The following UBE2E2 variants were observed in gnomAD, a reference collection of about 807,000 sequenced individuals.
UBE2E2 encodes the protein ubiquitin conjugating enzyme E2 E2.
A neutral mutation model predicts 24.7 loss-of-function variants in UBE2E2; 6 were observed. The ratio of observed to expected loss-of-function variants is 0.24; its 90% CI spans 0.13 to 0.48. The LOEUF (loss-of-function observed/expected upper bound fraction) is 0.48. UBE2E2 is among the 20% of genes least tolerant of loss of function. The pLI is 0.99. For synonymous variants in UBE2E2, 104 were observed against 83.6 expected (o/e 1.24, Z -1.33); for missense variants, 169 against 245.0 (o/e 0.69, Z 2.07).
At chr3:23,493,161 T>C (rs1271429890) in intron 3 of UBE2E2, among the ~76,000 whole-genome samples, 1 of 152,092 alleles carries the variant, frequency 6.6e-6, no homozygotes, top group African/African-American at 2.4e-5. Context: ...CCAAAGTCAG[T>C]GTTAAGTGAA....
rs573159411 is a variant in UBE2E2, at chr3:23,457,549, G to C, written c.228-42059G>C. Among the ~76,000 whole-genome samples, 3 of 152,174 alleles carry C rather than the reference G, an allele frequency of 2.0e-5. No homozygotes were observed. The East Asian group carries it at 5.8e-4, about 29-fold the overall frequency. On this transcript the variant is annotated intron_variant, in intron 3 of 5. Transcript: ENST00000396703. ...CACTTTTTTTTGTTTTTTGGAGGTAGGGTCTTGCTCTGTCACCAAGGCTGG... is the reference window on the plus strand; with the variant it reads ...CACTTTTTTTTGTTTTTTGGAGGTACGGTCTTGCTCTGTCACCAAGGCTGG...
intron 3 of UBE2E2, among the ~76,000 whole-genome samples, chr3:23,358,389 C>T (rs1696024968): frequency 6.6e-6 from 1 of 152,166 alleles, no homozygotes; most frequent in Non-Finnish European, 1.5e-5. Context: ...CTTAAAGGTT[C>T]ATCAAGCCCT....
At chr3:23,258,020 C>T (rs147951970) in intron 3 of UBE2E2, among the ~76,000 whole-genome samples, 74 of 152,098 alleles carry the variant, frequency 4.9e-4, no homozygotes, top group Middle Eastern at 3.4e-3. Flanking sequence ...GAAGAGATGA[C>T]AATACATATG....
intron 3 of UBE2E2, among the ~76,000 whole-genome samples, chr3:23,374,214 C>T (rs960199048): frequency 2.0e-5 from 3 of 152,030 alleles, no homozygotes; most frequent in African/African-American, 7.2e-5. Flanking sequence ...AATTAAAGAA[C>T]CAATCATGGG....
chr3:23,333,204 CAG>C (rs771496322), intron 3 of UBE2E2, among the ~76,000 whole-genome samples: 2 of 152,150 alleles, frequency 1.3e-5, no homozygotes, highest in Non-Finnish European at 2.9e-5. Flanking sequence ...ATGTCAAATG[CAG>C]AGAGTCCTGA....
At chr3:23,279,272 C>T (rs1016276924) in intron 3 of UBE2E2, among the ~76,000 whole-genome samples, 2 of 152,004 alleles carry the variant, frequency 1.3e-5, no homozygotes, top group Non-Finnish European at 2.9e-5. Flanking sequence ...TGAGATCTAC[C>T]GGAGGAAGGA....
intron 3 of UBE2E2, among the ~76,000 whole-genome samples, chr3:23,349,850 A>C (rs1257641050): frequency 6.6e-6 from 1 of 152,194 alleles, no homozygotes; most frequent in East Asian, 1.9e-4. Flanking sequence ...GCAGACTTAA[A>C]TGTCCCTGTC....
chr3:23,456,427 G>A (rs2125420952), intron 3 of UBE2E2, among the ~76,000 whole-genome samples: 1 of 152,340 alleles, frequency 6.6e-6, no homozygotes, highest in African/African-American at 2.4e-5. Flanking sequence ...AGGAATCACT[G>A]CGAATGGGAG....
chr3:23,333,788 T>G (rs897125908), intron 3 of UBE2E2, among the ~76,000 whole-genome samples: 25 of 152,154 alleles, frequency 1.6e-4, no homozygotes, highest in African/African-American at 6.0e-4. Flanking sequence ...GAGAGATATA[T>G]CTGATATATG....
chr3:23,534,194 A>AAATGGAAT (rs1188664435), intron 5 of UBE2E2: 14 of 978,118 alleles, frequency 1.4e-5, no homozygotes, highest in Non-Finnish European at 1.7e-5. Flanking sequence ...AAGTCAGCTG[A>AAATGGAAT]AATGGAATCT....
intron 2 of UBE2E2, among the ~76,000 whole-genome samples, chr3:23,214,088 C>A (rs1696402290): frequency 1.3e-5 from 2 of 152,282 alleles, no homozygotes; most frequent in African/African-American, 4.8e-5. Context: ...AAGAGACATA[C>A]AACCATTTTA....
intron 4 of UBE2E2, among the ~76,000 whole-genome samples, chr3:23,520,864 G>A (rs1694847220): frequency 6.6e-6 from 1 of 152,052 alleles, no homozygotes; most frequent in South Asian, 2.1e-4. Flanking sequence ...GCTGGTCTCA[G>A]ATTTCTGGCC....
chr3:23,484,821 C>A (rs556568068), intron 3 of UBE2E2, among the ~76,000 whole-genome samples: 1 of 152,056 alleles, frequency 6.6e-6, no homozygotes, highest in Non-Finnish European at 1.5e-5. Flanking sequence ...CATCAGATCT[C>A]GTGAGGCTTA....
At position 23,483,549 on chromosome 3, in the gene UBE2E2, C is replaced by G. The variant is rs150216847; in HGVS notation, c.228-16059C>G. 6.4e-4 allele frequency among the ~76,000 whole-genome samples: 98 copies of G among 152,278 alleles called. 5 individuals are homozygous for G. The East Asian group carries it at 0.015, about 24-fold the overall frequency. On this transcript the variant is annotated intron_variant, in intron 3 of 5. Transcript: ENST00000396703. ...AGATGCTCAGTAAATGGTGAATATT[C>G]TTATGTGGATTTTATTATGTGTTTC...
intron 3 of UBE2E2, among the ~76,000 whole-genome samples, chr3:23,493,089 C>A (rs1699533357): frequency 6.6e-6 from 1 of 152,118 alleles, no homozygotes. Context: ...GCAAGTCAGA[C>A]ACATTCTTTC....
intron 5 of UBE2E2, among the ~76,000 whole-genome samples, chr3:23,587,693 A>G (rs1696658932): frequency 2.0e-5 from 3 of 152,240 alleles, no homozygotes; most frequent in Admixed American, 6.5e-5. Flanking sequence ...GCTCAAGTGA[A>G]AGGCTACATT....
intron 3 of UBE2E2, among the ~76,000 whole-genome samples, chr3:23,436,014 A>G (rs1379053973): frequency 2.6e-5 from 4 of 152,138 alleles, no homozygotes; most frequent in African/African-American, 9.7e-5. Context: ...ACAGTTCACA[A>G]TAGGATCCCC....
intron 5 of UBE2E2, among the ~76,000 whole-genome samples, chr3:23,543,088 A>G (rs1173524238): frequency 6.6e-6 from 1 of 152,176 alleles, no homozygotes; most frequent in Admixed American, 6.5e-5. Context: ...CCAAGGCAGG[A>G]GGATCACTTG....
intron 4 of UBE2E2, among the ~76,000 whole-genome samples, chr3:23,512,197 T>C (rs1170017762): frequency 3.7e-5 from 2 of 54,676 alleles, no homozygotes; most frequent in African/African-American, 9.7e-5. Flanking sequence ...CTGCCTGCCT[T>C]TTTTTTTTTT....
Sources: gnomAD v4.1 joint callset for allele counts (sites outside exome capture counted in the v4.1 genomes callset) on GRCh38, gnomAD v4.1.1 for gene constraint, MANE v1.5 for transcripts, NCBI Gene and HGNC (gene_info 2026-07-23, HGNC 2026-07-21) for gene names.